ATP8B3: variants seen among roughly 807,000 people sequenced by gnomAD.
ATP8B3 encodes the protein ATPase phospholipid transporting 8B3, also known as phospholipid-transporting ATPase IK.
Under a neutral mutation model 140.9 loss-of-function variants are expected in ATP8B3, and 141 were observed. That is an observed-to-expected ratio of 1.00 (90% CI 0.87 to 1.15). The LOEUF (loss-of-function observed/expected upper bound fraction) is 1.15. ATP8B3 is among the 50% of genes most tolerant of loss of function. The pLI is 0.00. For missense variants in ATP8B3, 1,874 were observed against 1,740.6 expected (o/e 1.08, Z -1.36); for synonymous variants, 765 against 714.6 (o/e 1.07, Z -1.13).
intron 2 of ATP8B3, among the ~76,000 whole-genome samples, chr19:1,811,131 A>G (rs4807143): frequency 0.85 from 129,525 of 152,188 alleles, 55,214 homozygotes; most frequent in African/African-American, 0.89. Context: ...GGGCTCAGTC[A>G]TCTGTTCACT....
intron 12 of ATP8B3, among the ~76,000 whole-genome samples, chr19:1,801,569 G>C (rs1372056765): frequency 1.3e-5 from 2 of 152,068 alleles, no homozygotes; most frequent in African/African-American, 4.8e-5. Context: ...TGGGCAACAT[G>C]GTAAAACTCC....
Position 1,805,535 on chromosome 19 carries a change from C to T in ATP8B3, c.822-79G>A. On this transcript the variant is annotated intron_variant, in intron 9 of 28. Coordinates refer to ENST00000310127, the MANE Select transcript of ATP8B3 (RefSeq NM_138813.4). The surrounding 1 kb of genome is among the most constrained non-coding windows in gnomAD (Gnocchi z 5.2). ...AGCCCCCAGACCCCTTCTGGAGTCACTCAAACATTTTCACTGAGCACCTAC... is the reference window on the plus strand; with the variant it reads ...AGCCCCCAGACCCCTTCTGGAGTCATTCAAACATTTTCACTGAGCACCTAC... The T allele has an allele frequency of 7.9e-7, 1 of 1,260,206 alleles. No homozygotes were observed. Among genetic ancestry groups the T allele is most frequent in the South Asian group, 1.3e-5 (1 of 77,926 alleles). 78.1% of individuals were successfully genotyped at this position (1,260,206 alleles called of 1,614,324 possible).
rs1364645317 is a variant in ATP8B3, at chr19:1,800,116, G to A, written c.1383C>T (p.Asp461=). The A allele has an allele frequency of 7.0e-6, 11 of 1,563,812 alleles. No individual in the cohort carries two copies. The highest frequency in any genetic ancestry group is 9.5e-6 in the Non-Finnish European group (11 of 1,154,056). The change falls in exon 14 of 29, where the codon GAC becomes GAT. Residue 461 remains aspartate (D), a synonymous_variant. Transcript: ENST00000310127. The surrounding 1 kb of genome is among the most constrained non-coding windows in gnomAD (Gnocchi z 4.4). ...GCTTGTAGTACATCTGCACGTCCCA[G>A]TCGATGAAGACGCTGTTCCCCAGGT... is the stretch of plus-strand genomic sequence containing the variant. The part of the protein sequence containing the change: ...FIYLGNSVFI[D]WDVQMYYKPQ...
At chr19:1,809,954 C>T (rs986233293) in intron 3 of ATP8B3, among the ~76,000 whole-genome samples, 3 of 152,350 alleles carry the variant, frequency 2.0e-5, no homozygotes, top group Non-Finnish European at 4.4e-5. Context: ...CGAGAGTGGC[C>T]ACCCACACCC....
At chr19:1,802,407 A>AAACC in intron 11 of ATP8B3, 80 bp downstream of exon 11, 2 of 318,102 alleles carry the variant, frequency 6.3e-6, no homozygotes, top group South Asian at 2.0e-5. Flanking sequence ...CCACCCACCT[A>AAACC]CCCACCCACC....
At chr19:1,785,747 CG>C in intron 25 of ATP8B3, 39 bp from the exon 26 acceptor site, 1 of 1,416,096 alleles carries the variant, frequency 7.1e-7, no homozygotes, top group Non-Finnish European at 9.4e-7. Flanking sequence ...GGGTGGGGGG[CG>C]GGGGACACCC....
At position 1,784,937 on chromosome 19, in the gene ATP8B3, A is replaced by C. The variant is rs866688246; in HGVS notation, c.3542T>G (p.Leu1181Arg). 3 of 1,610,388 alleles carry C rather than the reference A, an allele frequency of 1.9e-6. No homozygotes were observed. The African/African-American group carries it at 4.0e-5, about 21-fold the overall frequency. The change falls in exon 28 of 29, where the codon CTC becomes CGC. Residue 1181 changes from leucine to arginine, a missense_variant. By Grantham distance (102) the Leu-to-Arg change is moderately radical. Coordinates refer to ENST00000310127, the MANE Select transcript of ATP8B3 (RefSeq NM_138813.4). ...GATGGAGGGAGAGGACATCACGCTGAGGTCGGCATCTGGGGACAGGGCGGG... is the reference window on the plus strand; with the variant it reads ...GATGGAGGGAGAGGACATCACGCTGCGGTCGGCATCTGGGGACAGGGCGGG... ...PTTFPFLYAD[L>R]SVMSSPSILL...
At chr19:1,787,942 T>G (rs2068360529) in intron 24 of ATP8B3, among the ~76,000 whole-genome samples, 1 of 151,762 alleles carries the variant, frequency 6.6e-6, no homozygotes, top group South Asian at 2.1e-4. Context: ...CTAGAGGGGC[T>G]GAGGCAGGAG....
intron 12 of ATP8B3, among the ~76,000 whole-genome samples, chr19:1,801,737 T>C (rs62127696): frequency 0.39 from 58,660 of 151,870 alleles, 12,741 homozygotes; most frequent in East Asian, 0.58. Context: ...GGTGACAGAG[T>C]GAGACTCCAT....
intron 25 of ATP8B3, 36 bp from the exon 26 acceptor site, chr19:1,785,744 G>A (rs2082475243): frequency 2.7e-6 from 3 of 1,117,512 alleles, no homozygotes; most frequent in African/African-American, 1.6e-5. Flanking sequence ...ATTGGGTGGG[G>A]GGCGGGGGAC....
At chr19:1,795,494 C>T (rs919782764) in intron 18 of ATP8B3, among the ~76,000 whole-genome samples, 3 of 150,462 alleles carry the variant, frequency 2.0e-5, no homozygotes, top group East Asian at 2.0e-4. Context: ...GAGGTTGCAG[C>T]GAGCCAAGAC....
chr19:1,790,805 C>A lies in ATP8B3; in HGVS notation c.2330G>T (p.Cys777Phe), dbSNP rs1600410360. The A allele has an allele frequency of 1.9e-6, 3 of 1,604,526 alleles. No individual in the cohort carries two copies. The highest frequency in any genetic ancestry group is 1.7e-5 in the Admixed American group (1 of 59,268). Residue 777 changes from cysteine to phenylalanine, a missense_variant, in exon 21 of 29, where the codon TGC becomes TTC. By Grantham distance (205) the Cys-to-Phe change is radical (BLOSUM62 -2). Transcript: ENST00000310127. ...QETAVNIGFA[C>F]ELLSENMLIL... Reference sequence around the variant, plus strand: ...GAGCATATTCTCTGACAGCAGCTCGCAGGCGAAGCCGATGTTCACAGCCGT... The same window carrying A: ...GAGCATATTCTCTGACAGCAGCTCGAAGGCGAAGCCGATGTTCACAGCCGT...
intron 4 of ATP8B3, among the ~76,000 whole-genome samples, chr19:1,808,836 C>T (rs895854998): frequency 6.6e-6 from 1 of 152,164 alleles, no homozygotes; most frequent in Non-Finnish European, 1.5e-5. Context: ...TTGTGCCAAA[C>T]CAGTGATTTG....
Position 1,789,893 on chromosome 19 carries a change from G to T in ATP8B3, c.2475C>A (p.Phe825Leu). The T allele has an allele frequency of 6.2e-7, 1 of 1,611,480 alleles. No homozygotes were observed. Among genetic ancestry groups the T allele is most frequent in the Non-Finnish European group, 8.5e-7 (1 of 1,179,086 alleles). The change falls in exon 22 of 29, where the codon TTC becomes TTA. Residue 825 changes from phenylalanine (F) to leucine (L), a missense_variant. Physicochemically the swap from Phe to Leu is conservative, Grantham distance 22. Transcript: ENST00000310127. ...GTCCACCCTGAGCGACACTGACCAG[G>T]AAGTCTCCGTTAATGACCAAGGCCA... ...VKLALVINGD[F>L]LDKLLVSLRK... is the part of the protein sequence containing the mutation.
At position 1,794,450 on chromosome 19, in the gene ATP8B3, C is replaced by A. The variant is rs527905683; in HGVS notation, c.2055+1425G>T. Reference sequence around the variant, plus strand: ...GACACAGGACATCTTCCCACACACACCCCGCTGCCCTGTGCTCCATGCTGC... The same window carrying A: ...GACACAGGACATCTTCCCACACACAACCCGCTGCCCTGTGCTCCATGCTGC... On this transcript the variant is annotated intron_variant, in intron 18 of 28. Transcript: ENST00000310127. This position sits in a 1 kb window ranked among gnomAD's most constrained non-coding sequence, Gnocchi z 4.8. Among the ~76,000 whole-genome samples the A allele has an allele frequency of 2.1e-3, 314 of 152,174 alleles. No individual in the cohort carries two copies. The highest frequency in any genetic ancestry group is 3.8e-3 in the Non-Finnish European group (261 of 67,984).
intron 11 of ATP8B3, 81 bp from the exon 12 acceptor site, chr19:1,802,125 T>G: frequency 1.9e-6 from 1 of 529,030 alleles, no homozygotes; most frequent in Non-Finnish European, 2.4e-6. Flanking sequence ...ATCCACCCAC[T>G]CCCCCACTCA....
rs753039729 is a variant in ATP8B3 at position 1,808,262 on chromosome 19, C to T, written c.476G>A (p.Arg159His). Residue 159 changes from arginine to histidine, a missense_variant, in exon 5 of 29, where the codon CGC becomes CAC. By Grantham distance (29) the Arg-to-His change is conservative. Transcript: ENST00000310127. ...GATGAGGAAGAACAGGTTGGACACG[C>T]GGTGGAACTGCTCGTACAGGTTCAG... is the stretch of plus-strand genomic sequence containing the variant. ...LPLNLYEQFHRVSNLFFLIII... is the reference protein window; with the variant it reads ...LPLNLYEQFHHVSNLFFLIII... The T allele has an allele frequency of 8.1e-6, 13 of 1,612,858 alleles. No homozygotes were observed. The highest frequency in any genetic ancestry group is 1.3e-5 in the African/African-American group (1 of 74,886).
rs1371766575 is a variant in ATP8B3, at chr19:1,794,692, C to G, written c.2055+1183G>C. Among the ~76,000 whole-genome samples the G allele has an allele frequency of 6.6e-6, 1 of 152,148 alleles. No individual in the cohort carries two copies. Among genetic ancestry groups the G allele is most frequent in the Non-Finnish European group, 1.5e-5 (1 of 68,024 alleles). On this transcript the variant is annotated intron_variant, in intron 18 of 28. Transcript: ENST00000310127. The surrounding 1 kb of genome is among the most constrained non-coding windows in gnomAD (Gnocchi z 4.8). Reference sequence around the variant, plus strand: ...ATGACAAAGGTGCAGGGAAGACCCTCCCAGCACAGGAAACAGCATGTGCAA... The same window carrying G: ...ATGACAAAGGTGCAGGGAAGACCCTGCCAGCACAGGAAACAGCATGTGCAA...
intron 2 of ATP8B3, among the ~76,000 whole-genome samples, 192 bp from the exon 3 acceptor site, chr19:1,810,875 C>T (rs1384247562): frequency 4.6e-5 from 7 of 152,136 alleles, no homozygotes; most frequent in African/African-American, 1.7e-4. Flanking sequence ...ATCCTGAGAC[C>T]TAGGGGACCC....
Sources: allele counts gnomAD v4.1 joint callset (sites outside exome capture counted in the v4.1 genomes callset), GRCh38; gene constraint gnomAD v4.1.1; non-coding constraint Gnocchi (gnomAD v3.1); transcripts MANE v1.5; gene names NCBI Gene and HGNC (gene_info 2026-07-23, HGNC 2026-07-21).